The following PPME1 variants were observed in gnomAD, a reference collection of about 807,000 sequenced individuals.
The protein encoded by PPME1 is protein phosphatase methylesterase 1.
In PPME1, 17 loss-of-function variants were observed where a neutral mutation model predicts 56.9. The observed-to-expected ratio is 0.30, with a 90% CI of 0.20 to 0.45. The LOEUF is 0.45. PPME1 is among the 20% of genes least tolerant of loss of function. The pLI is 1.00. For missense variants in PPME1, 357 were observed against 483.2 expected, an observed-to-expected ratio of 0.74 and a Z score of 2.45; for synonymous variants, 122 against 156.2, an observed-to-expected ratio of 0.78 and a Z score of 1.63.
intron 5 of PPME1, among the ~76,000 whole-genome samples, chr11:74,228,418 C>G (rs1283013597): frequency 6.6e-6 from 1 of 152,172 alleles, no homozygotes; most frequent in Non-Finnish European, 1.5e-5. Context: ...ACTCTGAATT[C>G]ACACTACCCT....
Position 74,230,167 on chromosome 11 carries a change from G to C in PPME1, c.399-78G>C. On this transcript the variant is annotated intron_variant, in intron 5 of 13. Coordinates refer to ENST00000328257, the MANE Select transcript of PPME1 (RefSeq NM_016147.3). This position sits in a 1 kb window ranked among gnomAD's most constrained non-coding sequence, Gnocchi z 4.9. ...TTTCCCAGCACTGTTACACACCAAAGAAAGGAACTGGGAAAGAAAACCATT... is the reference window on the plus strand; with the variant it reads ...TTTCCCAGCACTGTTACACACCAAACAAAGGAACTGGGAAAGAAAACCATT... 6.8e-7 allele frequency: 1 copy of C among 1,470,680 alleles called. No homozygotes were observed. Among genetic ancestry groups the C allele is most frequent in the South Asian group, 1.3e-5 (1 of 75,050 alleles). The allele number at this position is 1,470,680 out of a possible 1,614,324, so 91.1% of individuals were successfully genotyped here. A position where few individuals can be genotyped will look rare whatever the true frequency, so the allele number is the denominator to read the frequency against.
intron 1 of PPME1, among the ~76,000 whole-genome samples, chr11:74,187,736 T>G (rs1434389576): frequency 6.6e-6 from 1 of 152,220 alleles, no homozygotes; most frequent in East Asian, 1.9e-4. Context: ...ACAATGACTT[T>G]AGCAACCTGT....
At chr11:74,172,188 C>T (rs1473663331) in intron 1 of PPME1, among the ~76,000 whole-genome samples, 1 of 151,570 alleles carries the variant, frequency 6.6e-6, no homozygotes, top group Admixed American at 6.6e-5. Context: ...AACATAGCCA[C>T]GAAGATTGTT....
intron 12 of PPME1, 134 bp downstream of exon 12, chr11:74,251,152 C>T (rs1859649270): frequency 1.3e-6 from 2 of 1,482,528 alleles, no homozygotes; most frequent in South Asian, 2.7e-5. Flanking sequence ...TGCAGTTCCA[C>T]CAGCTCTCCA....
rs1264914302 is a variant in PPME1, at chr11:74,253,752, G to A, written c.*242G>A. On this transcript the variant is annotated 3_prime_UTR_variant, in exon 14 of 14. Coordinates refer to ENST00000328257, the MANE Select transcript of PPME1 (RefSeq NM_016147.3). ...GCTCCCCTGCTCCTTTCCCTTCCCT[G>A]TACTGGGGTAGCTCCTGCCTGCTCT... 6 of 590,198 alleles carry A rather than the reference G, an allele frequency of 1.0e-5. No homozygotes were observed. The highest frequency in any genetic ancestry group is 7.5e-5 in the African/African-American group (4 of 53,514). 36.6% of individuals were successfully genotyped at this position (590,198 alleles called of 1,614,324 possible). A position where few individuals can be genotyped will look rare whatever the true frequency, so the allele number is the denominator to read the frequency against.
At position 74,173,703 on chromosome 11, in the gene PPME1, G is replaced by T. The variant is rs558637632; in HGVS notation, c.101+2181G>T. 2.0e-5 allele frequency among the ~76,000 whole-genome samples: 3 copies of T among 152,126 alleles called. No homozygotes were observed. In the South Asian group the frequency reaches 6.2e-4, roughly 32 times the overall value. On this transcript the variant is annotated intron_variant, in intron 1 of 13. Transcript: ENST00000328257. ...ATTACAGGCATGCACCACCACGCCC[G>T]GCTAATTTTTGTATTTTTAGTAGAG...
rs976266830 is a variant in PPME1 at position 74,245,389 on chromosome 11, C to T, written c.835-687C>T. ...TATATTTATTTCAATTATAATGTTTCAAATATTTCAATGGTACAGAAAAAT... is the reference window on the plus strand; with the variant it reads ...TATATTTATTTCAATTATAATGTTTTAAATATTTCAATGGTACAGAAAAAT... On this transcript the variant is annotated intron_variant, in intron 9 of 13. Coordinates refer to ENST00000328257, the MANE Select transcript of PPME1 (RefSeq NM_016147.3). Among the ~76,000 whole-genome samples, 3 of 152,046 alleles carry T rather than the reference C, an allele frequency of 2.0e-5. No individual in the cohort carries two copies. The East Asian group carries it at 5.8e-4, about 29-fold the overall frequency.
chr11:74,224,225 C>G lies in PPME1; in HGVS notation c.347-980C>G, dbSNP rs1223595436. 8.8e-5 allele frequency among the ~76,000 whole-genome samples: 13 copies of G among 148,482 alleles called. 1 individual carries two copies. The highest frequency in any genetic ancestry group is 6.0e-4 in the Admixed American group (9 of 15,026). Reference sequence around the variant, plus strand: ...AATCCTTTCCCCATTGCTTGTTTTTCTCAGGTTTGTCAAAGATCAGATAGT... The same window carrying G: ...AATCCTTTCCCCATTGCTTGTTTTTGTCAGGTTTGTCAAAGATCAGATAGT... On this transcript the variant is annotated intron_variant, in intron 4 of 13. Transcript: ENST00000328257.
chr11:74,198,901 C>T (rs1290168917), intron 1 of PPME1: 4 of 152,148 alleles, frequency 2.6e-5, no homozygotes, highest in Non-Finnish European at 4.4e-5. Flanking sequence ...TGGGCCACTC[C>T]AAAAAATCAC....
intron 13 of PPME1, among the ~76,000 whole-genome samples, chr11:74,252,250 TG>T (rs1457313017): frequency 6.4e-5 from 9 of 141,324 alleles, no homozygotes; most frequent in Admixed American, 3.4e-4. Context: ...TTTTTTTTTT[TG>T]TTTTTTTTTT....
rs77330252 is a variant in PPME1, at chr11:74,253,730, C to T, written c.*220C>T. ...ACATCGGCTTCCCCAGTCCAGGGCT[C>T]CCCTGCTCCTTTCCCTTCCCTGTAC... On this transcript the variant is annotated 3_prime_UTR_variant, in exon 14 of 14. Transcript: ENST00000328257. 534 of 610,978 alleles carry T rather than the reference C, an allele frequency of 8.7e-4. 6 individuals are homozygous for T. Among genetic ancestry groups the T allele is most frequent in the African/African-American group, 7.7e-3 (415 of 54,154 alleles). 37.8% of individuals were successfully genotyped at this position (610,978 alleles called of 1,614,324 possible). A position where few individuals can be genotyped will look rare whatever the true frequency, so the allele number is the denominator to read the frequency against.
intron 9 of PPME1, among the ~76,000 whole-genome samples, chr11:74,239,538 C>T (rs1425749244): frequency 6.6e-6 from 1 of 151,588 alleles, no homozygotes; most frequent in Non-Finnish European, 1.5e-5. Flanking sequence ...AGAAAAATTC[C>T]ATTTCCTACC....
intron 3 of PPME1, among the ~76,000 whole-genome samples, chr11:74,215,496 A>C (rs1858614414): frequency 6.6e-6 from 1 of 152,222 alleles, no homozygotes; most frequent in South Asian, 2.1e-4. Flanking sequence ...TACTATTTGC[A>C]AGCAAACTCA....
intron 3 of PPME1, 125 bp downstream of exon 3, chr11:74,204,570 A>T (rs1858276736): frequency 1.3e-6 from 1 of 741,904 alleles, no homozygotes; most frequent in South Asian, 1.7e-5. Context: ...AGGCATACAC[A>T]CAGACTGGGT....
intron 9 of PPME1, among the ~76,000 whole-genome samples, chr11:74,242,205 C>T (rs1440459343): frequency 6.6e-6 from 1 of 152,212 alleles, no homozygotes; most frequent in Non-Finnish European, 1.5e-5. Flanking sequence ...AATAAACAGC[C>T]TGTCCCAGCT....
At chr11:74,240,659 C>G (rs915778682) in intron 9 of PPME1, among the ~76,000 whole-genome samples, 3 of 152,186 alleles carry the variant, frequency 2.0e-5, no homozygotes, top group Non-Finnish European at 4.4e-5. Flanking sequence ...CTTTGTACCT[C>G]TTTAGAGTTT....
chr11:74,213,057 G>A (rs1858524327), intron 3 of PPME1, among the ~76,000 whole-genome samples: 1 of 152,172 alleles, frequency 6.6e-6, no homozygotes, highest in Non-Finnish European at 1.5e-5. Flanking sequence ...TCCAGGCCTT[G>A]GCTCTTGGAC....
At chr11:74,182,056 T>C (rs1167821423) in intron 1 of PPME1, among the ~76,000 whole-genome samples, 1 of 152,218 alleles carries the variant, frequency 6.6e-6, no homozygotes, top group Non-Finnish European at 1.5e-5. Context: ...GGATTTCCCG[T>C]AGGCTGTAGT....
chr11:74,232,860 A>ATTTTTTTTT (rs35057762), intron 7 of PPME1, among the ~76,000 whole-genome samples: 1 of 93,860 alleles, frequency 1.1e-5, no homozygotes, highest in African/African-American at 4.6e-5. Context: ...TTGTTATTTG[A>ATTTTTTTTT]TTTTTTTTTT....
Sources: gnomAD v4.1 joint callset for allele counts (sites outside exome capture counted in the v4.1 genomes callset) on GRCh38, gnomAD v4.1.1 for gene constraint, Gnocchi (gnomAD v3.1) non-coding constraint, MANE v1.5 for transcripts, NCBI Gene and HGNC (gene_info 2026-07-23, HGNC 2026-07-21) for gene names.